Variants in GALNT13 observed in about 807,000 individuals in gnomAD.
GALNT13 encodes UDP-GalNAc:polypeptide N-acetylgalactosaminyltransferase 13.
GALNT13 carries 28 observed loss-of-function variants against 64.2 expected under a neutral mutation model. The ratio of observed to expected loss-of-function variants is 0.44; its 90% CI spans 0.32 to 0.60. The LOEUF (loss-of-function observed/expected upper bound fraction) is 0.60, where lower values mean the gene tolerates loss of function less well. GALNT13 is among the 20% of genes least tolerant of loss of function. The probability of loss-of-function intolerance (pLI) is 0.05; values close to 1 mark genes in which losing one functional copy is unlikely to be tolerated. For missense variants in GALNT13, 577 were observed against 669.8 expected (o/e 0.86, Z 1.53); for synonymous variants, 214 against 224.6 (o/e 0.95, Z 0.42).
chr2:153,673,567 TAAG>T, the GALNT13 span, among the ~76,000 whole-genome samples: 838 of 152,258 alleles, frequency 5.5e-3, 5 homozygotes, highest in Non-Finnish European at 8.3e-3. Flanking sequence ...CTCAAAATAA[TAAG>T]AGCTATTTAT....
chr2:154,178,750 A>C (rs1685796813), intron 4 of GALNT13, among the ~76,000 whole-genome samples: 1 of 152,180 alleles, frequency 6.6e-6, no homozygotes. Context: ...TGTTGCCGGC[A>C]TCATGGTCAA....
chr2:153,554,780 C>T, the GALNT13 span, among the ~76,000 whole-genome samples: 10 of 152,174 alleles, frequency 6.6e-5, no homozygotes, highest in East Asian at 1.9e-3. Flanking sequence ...TCATTTTTCA[C>T]CCTATGTTAA....
At chr2:153,830,733 A>T in the GALNT13 span, among the ~76,000 whole-genome samples, 2 of 152,032 alleles carry the variant, frequency 1.3e-5, no homozygotes, top group African/African-American at 4.8e-5. Context: ...TTTTTGCACA[A>T]ATTTGTAAAA....
the GALNT13 span, among the ~76,000 whole-genome samples, chr2:153,533,938 A>G: frequency 6.6e-6 from 1 of 151,300 alleles, no homozygotes; most frequent in Non-Finnish European, 1.5e-5. Flanking sequence ...GGGTCTTGCT[A>G]TATTGCCCAG....
the GALNT13 span, among the ~76,000 whole-genome samples, chr2:153,349,310 A>C: frequency 6.6e-6 from 1 of 152,220 alleles, no homozygotes; most frequent in Non-Finnish European, 1.5e-5. Flanking sequence ...TAAAGGATGC[A>C]TTTGATTACA....
the GALNT13 span, among the ~76,000 whole-genome samples, chr2:153,789,845 A>G: frequency 1.3e-5 from 2 of 152,122 alleles, no homozygotes; most frequent in Non-Finnish European, 2.9e-5. Flanking sequence ...ACATGGATAA[A>G]TATCTGGACA....
At chr2:153,968,696 G>A (rs543793545) in intron 3 of GALNT13, among the ~76,000 whole-genome samples, 1 of 152,126 alleles carries the variant, frequency 6.6e-6, no homozygotes, top group Admixed American at 6.5e-5. Flanking sequence ...TTCTTAGACT[G>A]GATTATTGGT....
At chr2:153,996,039 G>C (rs1312702535) in intron 3 of GALNT13, among the ~76,000 whole-genome samples, 3 of 152,166 alleles carry the variant, frequency 2.0e-5, no homozygotes, top group Admixed American at 6.6e-5. Flanking sequence ...TAGCATTCCA[G>C]TGTGTAAATA....
the GALNT13 span, among the ~76,000 whole-genome samples, chr2:153,076,720 T>G: frequency 2.0e-5 from 3 of 152,090 alleles, no homozygotes; most frequent in Non-Finnish European, 4.4e-5. Flanking sequence ...TTGGGCTACT[T>G]CTCATTATAC....
At chr2:153,983,039 A>G (rs1401136352) in intron 3 of GALNT13, among the ~76,000 whole-genome samples, 1 of 151,940 alleles carries the variant, frequency 6.6e-6, no homozygotes, top group Admixed American at 6.6e-5. Context: ...AATAATAACA[A>G]TTTTATAAAG....
intron 11 of GALNT13, among the ~76,000 whole-genome samples, chr2:154,428,843 G>A (rs1392584029): frequency 2.0e-5 from 3 of 150,930 alleles, no homozygotes; most frequent in Non-Finnish European, 4.4e-5. Context: ...GTGCAGTGGC[G>A]CGATCTCTGC....
chr2:154,408,933 A>G, intron 10 of GALNT13, 51 bp from the exon 11 acceptor site: 1 of 1,120,826 alleles, frequency 8.9e-7, no homozygotes, highest in Non-Finnish European at 1.4e-6. Context: ...GATGACTTAA[A>G]TAACTGTCTG....
chr2:154,008,080 A>G, intron 3 of GALNT13, among the ~76,000 whole-genome samples: 1 of 152,160 alleles, frequency 6.6e-6, no homozygotes. Flanking sequence ...GAATCTCATT[A>G]CAGTTGGTTG....
chr2:153,787,858 C>T, the GALNT13 span, among the ~76,000 whole-genome samples: 39 of 152,200 alleles, frequency 2.6e-4, no homozygotes, highest in Non-Finnish European at 5.0e-4. Flanking sequence ...CTTGAAGTTT[C>T]GCTGTCTGAA....
intron 10 of GALNT13, among the ~76,000 whole-genome samples, chr2:154,403,672 T>A (rs993286096): frequency 6.6e-6 from 1 of 152,088 alleles, no homozygotes; most frequent in Non-Finnish European, 1.5e-5. Flanking sequence ...GAATACTTTG[T>A]TTTTAGGCTT....
At chr2:153,581,457 C>T in the GALNT13 span, among the ~76,000 whole-genome samples, 1 of 151,774 alleles carries the variant, frequency 6.6e-6, no homozygotes, top group Non-Finnish European at 1.5e-5. Flanking sequence ...CAAATATTTT[C>T]AAAAGGAAAA....
chr2:153,810,109 C>A, the GALNT13 span, among the ~76,000 whole-genome samples: 36 of 152,122 alleles, frequency 2.4e-4, no homozygotes, highest in Middle Eastern at 0.014. Flanking sequence ...TGCAGGCGCC[C>A]GCCACCACGC....
At chr2:154,263,236 C>A (rs1690801098) in intron 8 of GALNT13, among the ~76,000 whole-genome samples, 1 of 152,184 alleles carries the variant, frequency 6.6e-6, no homozygotes, top group South Asian at 2.1e-4. Flanking sequence ...TCTGTGTAAG[C>A]TTAGGTAAGA....
chr2:153,606,463 A>C, the GALNT13 span, among the ~76,000 whole-genome samples: 88 of 152,178 alleles, frequency 5.8e-4, no homozygotes, highest in African/African-American at 2.0e-3. Context: ...CAAATTCGTA[A>C]ACTTTCTTAA....
Sources: allele counts gnomAD v4.1 joint callset (sites outside exome capture counted in the v4.1 genomes callset), GRCh38; gene constraint gnomAD v4.1.1; transcripts MANE v1.5; gene names NCBI Gene and HGNC (gene_info 2026-07-23, HGNC 2026-07-21).